The following CETN3 variants were observed in gnomAD, a reference collection of about 807,000 sequenced individuals.
CETN3 encodes centrin-3.
CETN3 carries 17 observed loss-of-function variants against 20.1 expected under a neutral mutation model. The observed-to-expected ratio is 0.85, with a 90% confidence interval of 0.58 to 1.27. CETN3 has a LOEUF of 1.27. Among genes scored for constraint, CETN3 ranks in the 50% most tolerant of loss-of-function variants. The pLI, the probability that CETN3 is intolerant of heterozygous loss-of-function variation, is 0.00. For synonymous variants in CETN3, 52 were observed against 59.7 expected (o/e 0.87, Z 0.59); for missense variants, 169 against 191.2 (o/e 0.88, Z 0.69).
intron 1 of CETN3, among the ~76,000 whole-genome samples, chr5:90,408,783 T>C (rs1330934318): frequency 1.4e-5 from 2 of 145,144 alleles, no homozygotes; most frequent in Non-Finnish European, 3.0e-5. Flanking sequence ...GAAAGTCGTT[T>C]TGGTCTCTGA....
chr5:90,399,609 G>T, intron 3 of CETN3, 60 bp from the exon 4 acceptor site: 4 of 1,325,886 alleles, frequency 3.0e-6, no homozygotes, highest in Non-Finnish European at 3.2e-6. Context: ...GCATTCATTT[G>T]TGAAATCAAC....
chr5:90,397,274 T>C (rs569970755), intron 4 of CETN3, among the ~76,000 whole-genome samples: 35 of 152,224 alleles, frequency 2.3e-4, no homozygotes, highest in Non-Finnish European at 3.8e-4. Context: ...ATCTTCTATA[T>C]CTCTGTGCAT....
At chr5:90,406,322 TG>T (rs1009287442) in intron 2 of CETN3, among the ~76,000 whole-genome samples, 37 of 152,112 alleles carry the variant, frequency 2.4e-4, no homozygotes, top group Admixed American at 5.2e-4. Flanking sequence ...AAGTCTTATT[TG>T]GAAAGATTCA....
chr5:90,399,238 G>A (rs1389397931), intron 4 of CETN3, 120 bp downstream of exon 4: 3 of 762,078 alleles, frequency 3.9e-6, no homozygotes, highest in East Asian at 2.7e-5. Context: ...TAGACAGAAG[G>A]TCCATTACAA....
At chr5:90,404,878 AAAAG>A (rs1313790331) in intron 3 of CETN3, among the ~76,000 whole-genome samples, 1 of 152,050 alleles carries the variant, frequency 6.6e-6, no homozygotes, top group Non-Finnish European at 1.5e-5. Context: ...GAAAAAAAAA[AAAAG>A]AAATAAACCT....
At chr5:90,405,933 A>G in intron 2 of CETN3, 134 bp from the exon 3 acceptor site, 1 of 623,166 alleles carries the variant, frequency 1.6e-6, no homozygotes, top group South Asian at 2.0e-5. Context: ...TACCTCTTTA[A>G]AATAGCAGTG....
intron 3 of CETN3, among the ~76,000 whole-genome samples, chr5:90,403,018 G>A (rs1365971542): frequency 2.0e-5 from 3 of 152,148 alleles, no homozygotes; most frequent in Non-Finnish European, 4.4e-5. Context: ...GTGTACAAAC[G>A]TTTGACTTAT....
At position 90,399,496 on chromosome 5, in the gene CETN3, T is replaced by G. The variant is rs1286811424; in HGVS notation, c.322A>C (p.Lys108Gln). 9.9e-6 allele frequency: 16 copies of G among 1,613,696 alleles called. No homozygotes were observed. Among genetic ancestry groups the G allele is most frequent in the African/African-American group, 1.3e-5 (1 of 74,934 alleles). The change falls in exon 4 of 5, where the codon AAA becomes CAA. Residue 108 changes from lysine to glutamine, a missense_variant. Coordinates refer to ENST00000283122, the MANE Select transcript of CETN3 (RefSeq NM_004365.4). Reference sequence around the variant, plus strand: ...CCTGAATCATCATCATCAAATAGTTTAAATGCCTTGAGTATTTCTTCATGG... The same window carrying G: ...CCTGAATCATCATCATCAAATAGTTGAAATGCCTTGAGTATTTCTTCATGG... ...DPHEEILKAF[K>Q]LFDDDDSGKI...
rs770791344 is a variant in CETN3, at chr5:90,409,706, C to CCCTA, written c.-49_-46dup. 9.9e-6 allele frequency: 16 copies of CCCTA among 1,613,848 alleles called. No individual in the cohort carries two copies. In the East Asian group the frequency reaches 3.6e-4, roughly 36 times the overall value. On this transcript the variant is annotated 5_prime_UTR_variant, in exon 1 of 5. Coordinates refer to ENST00000283122, the MANE Select transcript of CETN3 (RefSeq NM_004365.4). The stretch of plus-strand genomic sequence containing the variant: ...GTTCCTCTCAAGAACGATTTTAACC[C>CCCTA]CCTACCCAAGGCAGCAAGACGCCCA...
At chr5:90,398,367 T>G (rs1353333781) in intron 4 of CETN3, among the ~76,000 whole-genome samples, 1 of 152,182 alleles carries the variant, frequency 6.6e-6, no homozygotes, top group Non-Finnish European at 1.5e-5. Flanking sequence ...TATGAAAGTA[T>G]CAAAACAATT....
chr5:90,404,162 A>G (rs1312963581), intron 3 of CETN3, among the ~76,000 whole-genome samples: 2 of 152,168 alleles, frequency 1.3e-5, no homozygotes, highest in Non-Finnish European at 2.9e-5. Flanking sequence ...CATATCATTA[A>G]CTTAATCCTT....
rs113077100 is a variant in CETN3, at chr5:90,409,604, C to T, written c.17+41G>A. The T allele has an allele frequency of 1.3e-5, 21 of 1,613,020 alleles. No individual in the cohort carries two copies. The African/African-American group carries it at 1.9e-4, about 14-fold the overall frequency. On this transcript the variant is annotated intron_variant, in intron 1 of 4. Transcript: ENST00000283122. ...CCACACACACCCTCCCTGGGCCCCG[C>T]TCCGGGGTGTGGAGAGCACTGCCGC...
intron 3 of CETN3, among the ~76,000 whole-genome samples, chr5:90,399,981 C>T (rs1749239752): frequency 6.6e-6 from 1 of 152,182 alleles, no homozygotes; most frequent in Non-Finnish European, 1.5e-5. Flanking sequence ...GCTGACTAAA[C>T]GTCATACTAA....
chr5:90,408,658 C>CA (rs1749533130), intron 1 of CETN3, among the ~76,000 whole-genome samples: 1 of 151,970 alleles, frequency 6.6e-6, no homozygotes, highest in Non-Finnish European at 1.5e-5. Context: ...AAATGTGCTC[C>CA]AAATTTTCAA....
At chr5:90,398,675 G>C (rs1294987243) in intron 4 of CETN3, among the ~76,000 whole-genome samples, 1 of 152,132 alleles carries the variant, frequency 6.6e-6, no homozygotes, top group Non-Finnish European at 1.5e-5. Context: ...ACTCAAGGTG[G>C]GATAGATCAT....
At chr5:90,404,222 T>C (rs567826030) in intron 3 of CETN3, among the ~76,000 whole-genome samples, 1 of 152,232 alleles carries the variant, frequency 6.6e-6, no homozygotes, top group East Asian at 1.9e-4. Flanking sequence ...TAGTTGAAAA[T>C]GAGGCATGGG....
At chr5:90,407,540 T>A (rs1220618404) in intron 2 of CETN3, among the ~76,000 whole-genome samples, 159 bp downstream of exon 2, 1 of 152,148 alleles carries the variant, frequency 6.6e-6, no homozygotes, top group Middle Eastern at 3.2e-3. Flanking sequence ...AGGAGTTCTC[T>A]TCAGTTTTAT....
In CETN3 at chr5:90,393,837, A is replaced by G. The variant is rs1749074379; in HGVS notation, c.*227T>C. On this transcript the variant is annotated 3_prime_UTR_variant, in exon 5 of 5. Transcript: ENST00000283122. ...ACATATCACACATTCAATTTTTAAA[A>G]CTTTATATAAAAGCTCTATTATAAA... 3 of 328,754 alleles carry G rather than the reference A, an allele frequency of 9.1e-6. No individual in the cohort carries two copies. The highest frequency in any genetic ancestry group is 2.1e-5 in the African/African-American group (1 of 46,722). The allele number at this position is 328,754 out of a possible 1,614,324, so 20.4% of individuals were successfully genotyped here. A position where few individuals can be genotyped will look rare whatever the true frequency, so the allele number is the denominator to read the frequency against.
At chr5:90,397,887 GTTA>G (rs1198240528) in intron 4 of CETN3, among the ~76,000 whole-genome samples, 1 of 152,000 alleles carries the variant, frequency 6.6e-6, no homozygotes, top group African/African-American at 2.4e-5. Context: ...TACTTTACAA[GTTA>G]TTATGGAAAT....
Sources: gnomAD v4.1 joint callset for allele counts (sites outside exome capture counted in the v4.1 genomes callset) on GRCh38, gnomAD v4.1.1 for gene constraint, MANE v1.5 for transcripts, NCBI Gene and HGNC (gene_info 2026-07-23, HGNC 2026-07-21) for gene names.